ANO2: variants seen among roughly 807,000 people sequenced by gnomAD.
The protein encoded by ANO2 is anoctamin-2.
A neutral mutation model predicts 124.2 loss-of-function variants in ANO2; 101 were observed. The ratio of observed to expected loss-of-function variants is 0.81; its 90% CI spans 0.69 to 0.96. The LOEUF (loss-of-function observed/expected upper bound fraction) is 0.96, where lower values mean the gene tolerates loss of function less well. ANO2 is among the 40% of genes least tolerant of loss of function. ANO2 has a pLI of 0.00. For synonymous variants in ANO2, 486 were observed against 482.5 expected (o/e 1.01, Z -0.09); for missense variants, 1,293 against 1,274.5 (o/e 1.01, Z -0.22).
intron 3 of ANO2, among the ~76,000 whole-genome samples, chr12:5,917,518 C>CATA (rs1941449566): frequency 6.6e-6 from 1 of 150,426 alleles, no homozygotes; most frequent in African/African-American, 2.4e-5. Context: ...GTTTCATCTT[C>CATA]ATAATAACCC....
chr12:5,945,268 T>G, upstream of ANO2: 1 of 1,264,268 alleles, frequency 7.9e-7, no homozygotes, highest in Non-Finnish European at 1.0e-6. Flanking sequence ...CTGGGCAGGC[T>G]TATGCCGCCG....
intron 3 of ANO2, among the ~76,000 whole-genome samples, chr12:5,899,695 A>C (rs12308152): frequency 0.11 from 16,400 of 152,246 alleles, 2,015 homozygotes; most frequent in African/African-American, 0.3. Context: ...CCAGGGATGC[A>C]AAGGTCCCTC....
At chr12:5,643,071 C>T (rs1333589698) in intron 15 of ANO2, among the ~76,000 whole-genome samples, 4 of 151,782 alleles carry the variant, frequency 2.6e-5, no homozygotes, top group Non-Finnish European at 5.9e-5. Context: ...TTTACACACA[C>T]ACACACACAC....
intron 16 of ANO2, among the ~76,000 whole-genome samples, chr12:5,629,051 A>G (rs909842031): frequency 6.6e-6 from 1 of 151,614 alleles, no homozygotes; most frequent in Non-Finnish European, 1.5e-5. Flanking sequence ...ATGTCTAAGC[A>G]CCTCCCAAGC....
In ANO2 at chr12:5,636,832, TG is replaced by T. The variant is rs995719567; in HGVS notation, c.1621-1486del. Reference sequence around the variant, plus strand: ...CCAGGTATGGATGTTTTCAGACCTCTGGGGGGTACCTGGGGTGTGCTGGTGG... The same window carrying T: ...CCAGGTATGGATGTTTTCAGACCTCTGGGGGTACCTGGGGTGTGCTGGTGG... On this transcript the variant is annotated intron_variant, in intron 15 of 24. Transcript: ENST00000682330. The surrounding 1 kb of genome is among the most constrained non-coding windows in gnomAD (Gnocchi z 4.6). Among the ~76,000 whole-genome samples, 3 of 152,098 alleles carry T rather than the reference TG, an allele frequency of 2.0e-5. No individual in the cohort carries two copies. The highest frequency in any genetic ancestry group is 7.2e-5 in the African/African-American group (3 of 41,510).
At chr12:5,849,618 T>G (rs553619674) in intron 4 of ANO2, among the ~76,000 whole-genome samples, 20 of 152,306 alleles carry the variant, frequency 1.3e-4, no homozygotes, top group Admixed American at 3.3e-4. Flanking sequence ...CCTTCCAAGA[T>G]TCCCCCTCCC....
intron 7 of ANO2, among the ~76,000 whole-genome samples, chr12:5,814,051 C>G (rs1163334619): frequency 1.3e-5 from 2 of 152,192 alleles, no homozygotes; most frequent in African/African-American, 4.8e-5. Context: ...CATGAACAGG[C>G]TGCTGTGCTC....
At chr12:5,742,155 C>G (rs1336613222) in intron 12 of ANO2, among the ~76,000 whole-genome samples, 1 of 152,100 alleles carries the variant, frequency 6.6e-6, no homozygotes, top group African/African-American at 2.4e-5. Flanking sequence ...ACCAGCAGCC[C>G]AAGTCTCTCT....
chr12:5,647,177 C>T (rs1022680028), intron 15 of ANO2, among the ~76,000 whole-genome samples: 1 of 152,198 alleles, frequency 6.6e-6, no homozygotes, highest in Non-Finnish European at 1.5e-5. Context: ...ATGCTGGCAA[C>T]GAAGAATGAA....
intron 4 of ANO2, among the ~76,000 whole-genome samples, chr12:5,851,739 G>C (rs534562805): frequency 1.3e-5 from 2 of 151,480 alleles, no homozygotes; most frequent in Non-Finnish European, 2.9e-5. Context: ...GCAAAGAACA[G>C]AGAGAGAGGC....
Position 5,599,626 on chromosome 12 carries a change from C to A in ANO2, c.2091G>T (p.Lys697Asn). 6.2e-7 allele frequency: 1 copy of A among 1,613,512 alleles called. No individual in the cohort carries two copies. The highest frequency in any genetic ancestry group is 8.5e-7 in the Non-Finnish European group (1 of 1,179,780). The change falls in exon 20 of 25, where the codon AAG becomes AAT. Residue 697 changes from lysine (K) to asparagine (N), a missense_variant. By Grantham distance (94) the Lys-to-Asn change is moderately conservative. Coordinates refer to ENST00000682330, the MANE Select transcript of ANO2 (RefSeq NM_001364791.2). ...QNNIFEIGVP[K>N]LKKLFRKLKD... ...TCAGCTTTCGAAATAGTTTCTTTAG[C>A]TTCCTGGAAAAGAAATGGATTAAGT...
At chr12:5,610,294 T>C (rs1341834445) in intron 19 of ANO2, among the ~76,000 whole-genome samples, 6 of 107,792 alleles carry the variant, frequency 5.6e-5, no homozygotes, top group Admixed American at 2.4e-4. Context: ...TACATAAATA[T>C]ATAAATGCAT....
chr12:5,597,443 G>A (rs187510749), intron 20 of ANO2, among the ~76,000 whole-genome samples: 8 of 152,196 alleles, frequency 5.3e-5, no homozygotes, highest in East Asian at 1.9e-4. Flanking sequence ...TCTTTTTCAC[G>A]GCTGCATGGT....
intron 14 of ANO2, among the ~76,000 whole-genome samples, chr12:5,721,776 G>C (rs1950246011): frequency 6.6e-6 from 1 of 152,318 alleles, no homozygotes; most frequent in Non-Finnish European, 1.5e-5. Context: ...CCAAAGTGCT[G>C]GGATTACAGG....
chr12:5,656,999 T>C (rs4313660), intron 14 of ANO2, among the ~76,000 whole-genome samples: 89,719 of 152,064 alleles, frequency 0.59, 27,988 homozygotes, highest in East Asian at 0.96. Flanking sequence ...TGAAGCCAAA[T>C]GCCTGTGGTC....
At chr12:5,642,963 T>TA in intron 15 of ANO2, among the ~76,000 whole-genome samples, 1 of 152,294 alleles carries the variant, frequency 6.6e-6, no homozygotes, top group East Asian at 1.9e-4. Flanking sequence ...AGATCCTTGA[T>TA]AAAATGTCAT....
chr12:5,899,121 A>G (rs1303332266), intron 3 of ANO2, among the ~76,000 whole-genome samples: 1 of 152,188 alleles, frequency 6.6e-6, no homozygotes. Flanking sequence ...CACCTTGGCC[A>G]TGCATAGTAA....
chr12:5,783,978 T>C (rs959420661), intron 10 of ANO2, among the ~76,000 whole-genome samples: 31 of 152,334 alleles, frequency 2.0e-4, no homozygotes, highest in Admixed American at 1.6e-3. Context: ...CTACTTAAAA[T>C]CCTTCTACAT....
At position 5,615,285 on chromosome 12, in the gene ANO2, GT is replaced by G. The variant is rs1314153951; in HGVS notation, c.1828del (p.Thr610GlnfsTer9). 1 of 1,612,872 alleles carries G rather than the reference GT, an allele frequency of 6.2e-7. No homozygotes were observed. Among genetic ancestry groups the G allele is most frequent in the South Asian group, 1.1e-5 (1 of 90,676 alleles). ...KWLTKIEVPK[T>X]EQTFEERLIL... Reference sequence around the variant, plus strand: ...CAGGCGCTCTTCAAAAGTCTGTTCTGTTTTCGGAACCTCTGTAAGAGAAGAG... The same window carrying G: ...CAGGCGCTCTTCAAAAGTCTGTTCTGTTTCGGAACCTCTGTAAGAGAAGAG... On this transcript the variant is annotated frameshift_variant, in exon 17 of 25. Transcript: ENST00000682330. LOFTEE classifies it high-confidence loss of function.
Sources: allele counts gnomAD v4.1 joint callset (sites outside exome capture counted in the v4.1 genomes callset), GRCh38; gene constraint gnomAD v4.1.1; non-coding constraint Gnocchi (gnomAD v3.1); transcripts MANE v1.5; gene names NCBI Gene and HGNC (gene_info 2026-07-23, HGNC 2026-07-21).